The following ABCG2 variants were observed in gnomAD, a reference collection of about 807,000 sequenced individuals.
ABCG2 encodes the protein broad substrate specificity ATP-binding cassette transporter ABCG2.
In ABCG2, 80 loss-of-function variants were observed where a neutral mutation model predicts 73.5. The observed-to-expected ratio is 1.09, with a 90% confidence interval of 0.91 to 1.31. ABCG2 has a LOEUF of 1.31. Among genes scored for constraint, ABCG2 ranks in the 50% most tolerant of loss-of-function variants. The pLI is 0.00. For missense variants in ABCG2, 796 were observed against 786.2 expected, an observed-to-expected ratio of 1.01 and a Z score of -0.15; for synonymous variants, 269 against 282.4, an observed-to-expected ratio of 0.95 and a Z score of 0.48.
intron 1 of ABCG2, among the ~76,000 whole-genome samples, chr4:88,149,410 C>T (rs72554049): frequency 5.3e-5 from 8 of 152,132 alleles, no homozygotes; most frequent in South Asian, 2.1e-4. Context: ...CCAGAGGGAA[C>T]GGAGATGTTC....
At chr4:88,101,154 A>C in intron 11 of ABCG2, 76 bp downstream of exon 11, 2 of 1,279,806 alleles carry the variant, frequency 1.6e-6, no homozygotes, top group Non-Finnish European at 2.2e-6. Flanking sequence ...CCTTGGCCCC[A>C]ACCCCAGATG....
chr4:88,114,851 T>C, intron 8 of ABCG2, 106 bp downstream of exon 8: 1 of 656,134 alleles, frequency 1.5e-6, no homozygotes. Flanking sequence ...ATCAGAAGAC[T>C]GCATCAACAG....
chr4:88,146,440 A>T (rs1203588913), intron 1 of ABCG2, among the ~76,000 whole-genome samples: 2 of 151,176 alleles, frequency 1.3e-5, no homozygotes, highest in African/African-American at 2.4e-5. Context: ...GTTGCCGAGG[A>T]CGTAGTGCAG....
At chr4:88,154,587 CAA>C (rs925779212) in intron 1 of ABCG2, among the ~76,000 whole-genome samples, 9 of 152,078 alleles carry the variant, frequency 5.9e-5, no homozygotes, top group African/African-American at 2.2e-4. Context: ...ATCAGTAAAC[CAA>C]GTGTTCAGGG....
intron 9 of ABCG2, among the ~76,000 whole-genome samples, chr4:88,107,961 G>C (rs1722870310): frequency 1.3e-5 from 2 of 152,124 alleles, no homozygotes; most frequent in Admixed American, 1.3e-4. Flanking sequence ...CCCATCTCCT[G>C]TCACTGCTTC....
At chr4:88,180,235 G>C (rs777558978) in intron 1 of ABCG2, among the ~76,000 whole-genome samples, 1 of 152,154 alleles carries the variant, frequency 6.6e-6, no homozygotes, top group Admixed American at 6.6e-5. Flanking sequence ...AGACTTTTCA[G>C]TGGAAATCTA....
At chr4:88,208,269 A>G (rs1318139279) in intron 1 of ABCG2, among the ~76,000 whole-genome samples, 1 of 152,230 alleles carries the variant, frequency 6.6e-6, no homozygotes, top group Admixed American at 6.5e-5. Context: ...AAGATTTATT[A>G]CTATTACAAC....
chr4:88,231,089 C>T (rs1730446509), exon 1 of ABCG2: 1 of 152,184 alleles, frequency 6.6e-6, no homozygotes, highest in African/African-American at 2.4e-5. Flanking sequence ...TAGGAGTTTT[C>T]CTAGACAGAC....
chr4:88,160,283 C>T (rs956928894), upstream of ABCG2, among the ~76,000 whole-genome samples: 15 of 151,526 alleles, frequency 9.9e-5, no homozygotes, highest in Non-Finnish European at 2.9e-5. Flanking sequence ...CAGACCTGGC[C>T]GTTAACGACT....
intron 1 of ABCG2, among the ~76,000 whole-genome samples, chr4:88,227,257 C>A (rs566229245): frequency 1.2e-4 from 18 of 152,042 alleles, no homozygotes; most frequent in South Asian, 4.2e-4. Context: ...ATAATCCAGG[C>A]CTGGTGGCAG....
chr4:88,175,393 A>C (rs1727916830), intron 1 of ABCG2, among the ~76,000 whole-genome samples: 1 of 152,194 alleles, frequency 6.6e-6, no homozygotes, highest in African/African-American at 2.4e-5. Flanking sequence ...TAGGGGTTAC[A>C]AATGTGTAGT....
chr4:88,190,149 CT>C lies in ABCG2; in HGVS notation c.-20+40844del, dbSNP rs200075126. 9.4e-3 allele frequency among the ~76,000 whole-genome samples: 1,423 copies of C among 152,144 alleles called. 7 individuals carry two copies. The highest frequency in any genetic ancestry group is 0.015 in the Non-Finnish European group (1,003 of 67,976). Reference sequence around the variant, plus strand: ...ACAAGAGTTGTTGTTTGTTGGGTTTCTTTTTTCTTTTTAAAACAGTCTTTGA... The same window carrying C: ...ACAAGAGTTGTTGTTTGTTGGGTTTCTTTTTCTTTTTAAAACAGTCTTTGA... On this transcript the variant is annotated intron_variant, in intron 1 of 15. Coordinates refer to the ABCG2 transcript ENST00000515655.
chr4:88,093,689 C>T (rs78583549), intron 15 of ABCG2, among the ~76,000 whole-genome samples: 403 of 152,124 alleles, frequency 2.6e-3, no homozygotes, highest in South Asian at 9.6e-3. Flanking sequence ...CCTCTCTGTA[C>T]AGAGGATTTC....
chr4:88,105,734 C>G (rs556116164), intron 10 of ABCG2, among the ~76,000 whole-genome samples: 3 of 152,296 alleles, frequency 2.0e-5, no homozygotes, highest in African/African-American at 7.2e-5. Context: ...TCAAAGGACA[C>G]TATCAATACT....
rs1351465678 is a variant in ABCG2 at position 88,097,706 on chromosome 4, C to T, written c.1493-99G>A. On this transcript the variant is annotated intron_variant, in intron 12 of 15. Coordinates refer to ENST00000237612, the MANE Select transcript of ABCG2 (RefSeq NM_004827.3). ...AATTTAACACTAATATTTTGAGAAA[C>T]TAATATTAGAATGAAAAAAAGTCAT... 51 of 1,305,638 alleles carry T rather than the reference C, an allele frequency of 3.9e-5. No individual in the cohort carries two copies. The East Asian group carries it at 1.2e-3, about 31-fold the overall frequency. The allele number at this position is 1,305,638 out of a possible 1,614,324, so 80.9% of individuals were successfully genotyped here.
intron 5 of ABCG2, among the ~76,000 whole-genome samples, chr4:88,125,607 C>CAAAAAAAAAAAAAAAAAAA (rs70957302): frequency 8.6e-5 from 3 of 34,978 alleles, no homozygotes; most frequent in East Asian, 1.1e-3. Flanking sequence ...GACTCTGTCT[C>CAAAAAAAAAAAAAAAAAAA]AAAAAAAAAA....
At chr4:88,166,421 TTC>T (rs1210773184) in intron 1 of ABCG2, among the ~76,000 whole-genome samples, 1 of 152,212 alleles carries the variant, frequency 6.6e-6, no homozygotes, top group East Asian at 1.9e-4. Context: ...GGCATATAAA[TTC>T]TCATCCCTAA....
At chr4:88,105,696 C>T (rs190029099) in intron 10 of ABCG2, among the ~76,000 whole-genome samples, 159 of 152,232 alleles carry the variant, frequency 1.0e-3, no homozygotes, top group Admixed American at 2.9e-3. Flanking sequence ...ATCAATTGGA[C>T]TACATCAAAG....
At chr4:88,119,498 G>A (rs1723816857) in intron 6 of ABCG2, among the ~76,000 whole-genome samples, 1 of 152,214 alleles carries the variant, frequency 6.6e-6, no homozygotes, top group African/African-American at 2.4e-5. Flanking sequence ...CTAGAGACTT[G>A]TTGATTGGCT....
Sources: allele counts gnomAD v4.1 joint callset (sites outside exome capture counted in the v4.1 genomes callset), GRCh38; gene constraint gnomAD v4.1.1; transcripts MANE v1.5; gene names NCBI Gene and HGNC (gene_info 2026-07-23, HGNC 2026-07-21).